The following CNTNAP2 variants were observed in gnomAD, a reference collection of about 807,000 sequenced individuals.
CNTNAP2 encodes contactin-associated protein-like 2.
Under a neutral mutation model 155.2 loss-of-function variants are expected in CNTNAP2, and 98 were observed. That is an observed-to-expected ratio of 0.63 (90% CI 0.54 to 0.75). The LOEUF (loss-of-function observed/expected upper bound fraction) is 0.75, where lower values mean the gene tolerates loss of function less well. Among genes scored for constraint, CNTNAP2 ranks in the 30% least tolerant of loss-of-function variants. CNTNAP2 has a pLI of 0.00. For synonymous variants in CNTNAP2, 651 were observed against 631.2 expected (o/e 1.03, Z -0.47); for missense variants, 1,727 against 1,688.1 (o/e 1.02, Z -0.40).
chr7:147,964,234 C>T lies in CNTNAP2; in HGVS notation c.2256-13628C>T, dbSNP rs1423290035. Among the ~76,000 whole-genome samples, 7 of 152,126 alleles carry T rather than the reference C, an allele frequency of 4.6e-5. No homozygotes were observed. In the East Asian group the frequency reaches 1.4e-3, roughly 29 times the overall value. On this transcript the variant is annotated intron_variant, in intron 14 of 23. Transcript: ENST00000361727. Reference sequence around the variant, plus strand: ...AGGCATCACCAGAAACCAACTCTACCAACATGTTGATCTTGGACTTCAAGC... The same window carrying T: ...AGGCATCACCAGAAACCAACTCTACTAACATGTTGATCTTGGACTTCAAGC...
intron 21 of CNTNAP2, among the ~76,000 whole-genome samples, chr7:148,357,513 G>A (rs1798540151): frequency 6.6e-6 from 1 of 152,126 alleles, no homozygotes; most frequent in Non-Finnish European, 1.5e-5. Context: ...CCCGTTCAAT[G>A]ATCAGTTCAG....
At chr7:146,332,532 C>T (rs7809317) in intron 1 of CNTNAP2, among the ~76,000 whole-genome samples, 8,022 of 151,974 alleles carry the variant, frequency 0.053, 717 homozygotes, top group African/African-American at 0.18. Context: ...CTAGTCAATC[C>T]GAAATCAGCA....
intron 1 of CNTNAP2, among the ~76,000 whole-genome samples, chr7:146,452,819 A>T (rs2129122676): frequency 6.6e-6 from 1 of 152,302 alleles, no homozygotes; most frequent in Middle Eastern, 3.4e-3. Context: ...CAGGGACCAA[A>T]TTTGCTCTCC....
At chr7:148,072,781 C>T (rs758664199) in intron 15 of CNTNAP2, among the ~76,000 whole-genome samples, 1 of 152,218 alleles carries the variant, frequency 6.6e-6, no homozygotes, top group Admixed American at 6.5e-5. Flanking sequence ...GATCTTGGCT[C>T]GCTGCAACCT....
chr7:146,433,630 G>A (rs1453996790), intron 1 of CNTNAP2, among the ~76,000 whole-genome samples: 3 of 152,162 alleles, frequency 2.0e-5, no homozygotes, highest in Admixed American at 2.0e-4. Flanking sequence ...GAAGATGAGT[G>A]AGAAAGCAAG....
intron 21 of CNTNAP2, among the ~76,000 whole-genome samples, chr7:148,327,122 T>C (rs1585275360): frequency 6.6e-6 from 1 of 152,138 alleles, no homozygotes; most frequent in African/African-American, 2.4e-5. Flanking sequence ...AGGAGTGAAA[T>C]ACCTACCACT....
chr7:146,239,269 A>G (rs1025466774), intron 1 of CNTNAP2, among the ~76,000 whole-genome samples: 7 of 152,140 alleles, frequency 4.6e-5, no homozygotes, highest in African/African-American at 1.2e-4. Flanking sequence ...TAAATGGATA[A>G]TAGTGCTCCT....
chr7:147,136,660 G>T (rs1243596238), intron 8 of CNTNAP2, among the ~76,000 whole-genome samples: 1 of 151,756 alleles, frequency 6.6e-6, no homozygotes, highest in African/African-American at 2.4e-5. Context: ...AAATATCTCT[G>T]TTCTTGATTT....
At chr7:146,600,913 A>G (rs1032787611) in intron 1 of CNTNAP2, among the ~76,000 whole-genome samples, 2 of 152,172 alleles carry the variant, frequency 1.3e-5, no homozygotes, top group African/African-American at 4.8e-5. Context: ...TATGTGAGTA[A>G]TAATATTCTA....
intron 14 of CNTNAP2, among the ~76,000 whole-genome samples, chr7:147,930,774 C>T (rs886479712): frequency 2.0e-5 from 3 of 152,116 alleles, no homozygotes; most frequent in Non-Finnish European, 4.4e-5. Context: ...GAACATTCTC[C>T]AGGATAGATC....
intron 13 of CNTNAP2, among the ~76,000 whole-genome samples, chr7:147,706,615 T>C (rs999434459): frequency 6.6e-6 from 1 of 152,220 alleles, no homozygotes; most frequent in East Asian, 1.9e-4. Context: ...GAGAAGGCCT[T>C]TAGGAATTGT....
chr7:147,097,009 G>T (rs1800549440), intron 4 of CNTNAP2, among the ~76,000 whole-genome samples: 1 of 152,142 alleles, frequency 6.6e-6, no homozygotes, highest in African/African-American at 2.4e-5. Context: ...TCACCCAAAG[G>T]TATGTGAAAT....
At chr7:148,121,936 G>A (rs1804604349) in intron 16 of CNTNAP2, among the ~76,000 whole-genome samples, 1 of 152,156 alleles carries the variant, frequency 6.6e-6, no homozygotes, top group Non-Finnish European at 1.5e-5. Flanking sequence ...TAGTGCTGAG[G>A]TAATTTAGTC....
At chr7:147,817,925 G>A (rs1040507193) in intron 13 of CNTNAP2, among the ~76,000 whole-genome samples, 3 of 147,182 alleles carry the variant, frequency 2.0e-5, no homozygotes, top group African/African-American at 7.6e-5. Flanking sequence ...AAAAAAAATA[G>A]CAAAGAAAAA....
intron 14 of CNTNAP2, among the ~76,000 whole-genome samples, chr7:147,975,050 G>A (rs114256645): frequency 0.028 from 4,230 of 148,596 alleles, 196 homozygotes; most frequent in African/African-American, 0.1. Flanking sequence ...TTTGTATTAC[G>A]TATAATACAA....
Position 147,995,035 on chromosome 7 carries a change from A to G in CNTNAP2, c.2383+17046A>G, listed in dbSNP as rs73747311. 9.5e-3 allele frequency among the ~76,000 whole-genome samples: 1,451 copies of G among 152,286 alleles called. 21 individuals carry two copies. The highest frequency in any genetic ancestry group is 0.034 in the African/African-American group (1,399 of 41,564). ...AAACACAAGCTTCCAAGAGACTCCC[A>G]CTGGAGTCCACAGAACACACTTAAT... is the stretch of plus-strand genomic sequence containing the variant. On this transcript the variant is annotated intron_variant, in intron 15 of 23. Transcript: ENST00000361727.
At chr7:146,787,471 T>C (rs10250256) in intron 2 of CNTNAP2, among the ~76,000 whole-genome samples, 2,225 of 152,154 alleles carry the variant, frequency 0.015, 58 homozygotes, top group African/African-American at 0.05. Flanking sequence ...GTGTTACAGC[T>C]CTTAAAGGCT....
chr7:148,032,995 A>G (rs933814204), intron 15 of CNTNAP2, among the ~76,000 whole-genome samples: 3 of 152,168 alleles, frequency 2.0e-5, no homozygotes, highest in Admixed American at 6.5e-5. Context: ...ACGCAGACAG[A>G]GTGACTGGGA....
chr7:147,342,439 C>T (rs979841786), intron 9 of CNTNAP2, among the ~76,000 whole-genome samples: 2 of 152,078 alleles, frequency 1.3e-5, no homozygotes, highest in Non-Finnish European at 2.9e-5. Context: ...ATCCATGCTG[C>T]TTTTTATTTT....
Sources: allele counts gnomAD v4.1 joint callset (sites outside exome capture counted in the v4.1 genomes callset), GRCh38; gene constraint gnomAD v4.1.1; transcripts MANE v1.5; gene names NCBI Gene and HGNC (gene_info 2026-07-23, HGNC 2026-07-21).